Variants in ACOX2 observed in about 807,000 individuals in gnomAD.
ACOX2 encodes the protein acyl-CoA oxidase 2, also known as peroxisomal acyl-coenzyme A oxidase 2.
In ACOX2, 59 loss-of-function variants were observed where a neutral mutation model predicts 77.5. The observed-to-expected ratio is 0.76, with a 90% CI of 0.62 to 0.95. ACOX2 has a LOEUF of 0.95. Among genes scored for constraint, ACOX2 ranks in the 40% least tolerant of loss-of-function variants. The pLI is 0.00. For synonymous variants in ACOX2, 317 were observed against 340.1 expected (o/e 0.93, Z 0.75); for missense variants, 837 against 880.4 (o/e 0.95, Z 0.62).
In ACOX2 at chr3:58,531,818, G is replaced by A; in HGVS notation, c.584-6C>T. ...ATGGGTGGCTGACCGTCCCACTGAG[G>A]GCAGAGAGAGTAGCGGCCCGTCACA... is the stretch of plus-strand genomic sequence containing the variant. On this transcript the variant is annotated splice_polypyrimidine_tract_variant and splice_region_variant and intron_variant, in intron 5 of 14. Coordinates refer to ENST00000302819, the MANE Select transcript of ACOX2 (RefSeq NM_003500.4). This position sits in a 1 kb window ranked among gnomAD's most constrained non-coding sequence, Gnocchi z 5.8. The A allele has an allele frequency of 6.2e-7, 1 of 1,612,096 alleles. No individual in the cohort carries two copies.
In ACOX2 at chr3:58,531,196, A is replaced by G; in HGVS notation, c.819+55T>C. ...GAGGACCCAGGCCCAGCCTGCACAA[A>G]GCGCAGGTCCCCTCTCCAGGAAGTA... On this transcript the variant is annotated intron_variant, in intron 7 of 14. Transcript: ENST00000302819. This position sits in a 1 kb window ranked among gnomAD's most constrained non-coding sequence, Gnocchi z 5.8. 2 of 1,523,886 alleles carry G rather than the reference A, an allele frequency of 1.3e-6. No homozygotes were observed. The highest frequency in any genetic ancestry group is 1.8e-6 in the Non-Finnish European group (2 of 1,109,086). The allele number at this position is 1,523,886 out of a possible 1,614,324, so 94.4% of individuals were successfully genotyped here.
Position 58,521,534 on chromosome 3 carries a change from T to C in ACOX2, c.1632+962A>G, listed in dbSNP as rs1050343164. Among the ~76,000 whole-genome samples, 2 of 152,220 alleles carry C rather than the reference T, an allele frequency of 1.3e-5. No homozygotes were observed. The highest frequency in any genetic ancestry group is 4.8e-5 in the African/African-American group (2 of 41,470). ...CCACTTGTCTCCAGGCCTTCTGCCA[T>C]GCTCATGGTCAGGACCACCCTCAGT... On this transcript the variant is annotated intron_variant, in intron 12 of 14. Transcript: ENST00000302819. This position sits in a 1 kb window ranked among gnomAD's most constrained non-coding sequence, Gnocchi z 4.8.
rs527941137 is a variant in ACOX2, at chr3:58,526,395, C to T, written c.1346+71G>A. 368 of 1,488,278 alleles carry T rather than the reference C, an allele frequency of 2.5e-4. 3 individuals carry two copies. The South Asian group carries it at 4.3e-3, about 18-fold the overall frequency. The allele number at this position is 1,488,278 out of a possible 1,614,324, so 92.2% of individuals were successfully genotyped here. A position where few individuals can be genotyped will look rare whatever the true frequency, so the allele number is the denominator to read the frequency against. On this transcript the variant is annotated intron_variant, in intron 10 of 14. Coordinates refer to ENST00000302819, the MANE Select transcript of ACOX2 (RefSeq NM_003500.4). This position sits in a 1 kb window ranked among gnomAD's most constrained non-coding sequence, Gnocchi z 4.3. ...CTCTTTTTATGGGCCTCAGACGGAA[C>T]CCTCCACCCAACAGAAGCTTGGTGG...
intron 8 of ACOX2, among the ~76,000 whole-genome samples, chr3:58,529,916 G>A (rs553626955): frequency 1.4e-4 from 21 of 152,328 alleles, no homozygotes; most frequent in African/African-American, 4.8e-4. Flanking sequence ...GGGGTGGAGG[G>A]AGTGGTAGCA....
rs1012290102 is a variant in ACOX2 at position 58,528,204 on chromosome 3, T to A, written c.1155+590A>T. On this transcript the variant is annotated intron_variant, in intron 9 of 14. Coordinates refer to ENST00000302819, the MANE Select transcript of ACOX2 (RefSeq NM_003500.4). This position sits in a 1 kb window ranked among gnomAD's most constrained non-coding sequence, Gnocchi z 5.6. ...GCCTCATTGCAGTTGGAAGGGTTAA[T>A]GAGCAGTGCTTATAAAGCATGGTAG... Among the ~76,000 whole-genome samples the A allele has an allele frequency of 2.6e-5, 4 of 152,184 alleles. No homozygotes were observed. Among genetic ancestry groups the A allele is most frequent in the Admixed American group, 1.3e-4 (2 of 15,278 alleles).
chr3:58,509,294 G>T, intron 13 of ACOX2, among the ~76,000 whole-genome samples: 1 of 152,236 alleles, frequency 6.6e-6, no homozygotes. Flanking sequence ...TTGGGAGGCC[G>T]AAGTAGGTGG....
chr3:58,509,270 G>A (rs1448105995), intron 13 of ACOX2, among the ~76,000 whole-genome samples: 3 of 152,138 alleles, frequency 2.0e-5, no homozygotes, highest in Admixed American at 6.5e-5. Flanking sequence ...GCTCACGCCT[G>A]TAATCCCGGC....
At chr3:58,530,339 T>G in intron 8 of ACOX2, 127 bp downstream of exon 8, 3 of 1,321,138 alleles carry the variant, frequency 2.3e-6, no homozygotes, top group Non-Finnish European at 3.1e-6. Flanking sequence ...TTTGTGTGTG[T>G]GTATGTGGTG....
At chr3:58,530,057 G>T (rs1013329911) in intron 8 of ACOX2, among the ~76,000 whole-genome samples, 15 of 152,256 alleles carry the variant, frequency 9.9e-5, no homozygotes, top group African/African-American at 3.1e-4. Context: ...CGGCCTGACA[G>T]AATCAACTCA....
At chr3:58,530,001 G>A (rs376175804) in intron 8 of ACOX2, among the ~76,000 whole-genome samples, 1 of 152,202 alleles carries the variant, frequency 6.6e-6, no homozygotes, top group African/African-American at 2.4e-5. Flanking sequence ...TGGACAGAAC[G>A]AGCTCAGCCA....
At chr3:58,506,970 A>G in intron 14 of ACOX2, among the ~76,000 whole-genome samples, 1 of 152,186 alleles carries the variant, frequency 6.6e-6, no homozygotes, top group Non-Finnish European at 1.5e-5. Context: ...TATTTTGGTG[A>G]TCTCTAAAAG....
chr3:58,531,749 C>G lies in ACOX2; in HGVS notation c.647G>C (p.Gly216Ala). The G allele has an allele frequency of 6.2e-7, 1 of 1,614,186 alleles. No homozygotes were observed. Among genetic ancestry groups the G allele is most frequent in the Admixed American group, 1.7e-5 (1 of 60,030 alleles). The change falls in exon 6 of 15, where the codon GGC (glycine) becomes GCC (alanine). Residue 216 changes from glycine (G) to alanine (A), a missense_variant. By Grantham distance (60) the Gly-to-Ala change is moderately conservative (BLOSUM62 0). Transcript: ENST00000302819. The surrounding 1 kb of genome is among the most constrained non-coding windows in gnomAD (Gnocchi z 5.8). ...GATTGGCACAATAAAAGCGTGCATG[C>G]CCCGCCTGGCTCCTGAGCAGATCAG... Reference protein sequence around the residue: ...AQLICSGARRGMHAFIVPIRS... With the variant: ...AQLICSGARRAMHAFIVPIRS...
Position 58,531,318 on chromosome 3 carries a change from T to C in ACOX2, c.752A>G (p.Asp251Gly), listed in dbSNP as rs754710558. 1.9e-6 allele frequency: 3 copies of C among 1,613,798 alleles called. No homozygotes were observed. The African/African-American group carries it at 4.0e-5, about 22-fold the overall frequency. Residue 251 changes from aspartate (D) to glycine (G), a missense_variant, in exon 7 of 15, where the codon GAC becomes GGC. By Grantham distance (94) the Asp-to-Gly change is moderately conservative (BLOSUM62 -1). Transcript: ENST00000302819. The surrounding 1 kb of genome is among the most constrained non-coding windows in gnomAD (Gnocchi z 5.8). ...IGPKMDFDQT[D>G]NGFLQLNHVR... is the part of the protein sequence containing the mutation. ...ATGGTTCAGCTGCAGGAAGCCATTG[T>C]CTGTTTGATCAAAGTCCATCTTGGG...
Position 58,523,422 on chromosome 3 carries a change from TGCCTGCCATATTATAGGC to T in ACOX2, c.1527-839_1527-822del, listed in dbSNP as rs1171324664. On this transcript the variant is annotated intron_variant, in intron 11 of 14. Coordinates refer to ENST00000302819, the MANE Select transcript of ACOX2 (RefSeq NM_003500.4). The surrounding 1 kb of genome is among the most constrained non-coding windows in gnomAD (Gnocchi z 5.3). ...GATAGGTCCCTAATGCCTAGAACAG[TGCCTGCCATATTATAGGC>T]AGTTAATAAATATTTTTGGAATAAA... 6.6e-6 allele frequency among the ~76,000 whole-genome samples: 1 copy of T among 152,222 alleles called. No individual in the cohort carries two copies. The highest frequency in any genetic ancestry group is 1.5e-5 in the Non-Finnish European group (1 of 68,048).
rs1127743 is a variant in ACOX2, at chr3:58,526,648, T to C, written c.1164A>G (p.Ala388=). 0.067 allele frequency: 108,790 copies of C among 1,613,488 alleles called. 6,567 individuals are homozygous for C. The highest frequency in any genetic ancestry group is 0.29 in the African/African-American group (21,922 of 74,936). The part of the protein sequence containing the change: ...QDFSFLPELH[A]LSTGMKAMMS... ...TCATGGCCTTCATGCCCGTGCTCAG[T>C]GCGTGGAGCTGTGAGAACATGGAGG... is the stretch of plus-strand genomic sequence containing the variant. Residue 388 remains alanine, a synonymous_variant, in exon 10 of 15, where the codon GCA becomes GCG. Transcript: ENST00000302819. This position sits in a 1 kb window ranked among gnomAD's most constrained non-coding sequence, Gnocchi z 4.3.
Position 58,533,604 on chromosome 3 carries a change from T to C in ACOX2, c.476-52A>G. 1 of 1,555,598 alleles carries C rather than the reference T, an allele frequency of 6.4e-7. No individual in the cohort carries two copies. On this transcript the variant is annotated intron_variant, in intron 4 of 14. Transcript: ENST00000302819. The surrounding 1 kb of genome is among the most constrained non-coding windows in gnomAD (Gnocchi z 5.6). ...ATTGGCCTGAGGTGGGGTTCTTACC[T>C]GTGAAGCTGCTTCTAGGTGGGTCTG...
chr3:58,531,549 G>T lies in ACOX2; in HGVS notation c.703+144C>A. 1 of 1,366,536 alleles carries T rather than the reference G, an allele frequency of 7.3e-7. No homozygotes were observed. Among genetic ancestry groups the T allele is most frequent in the Non-Finnish European group, 1.0e-6 (1 of 998,966 alleles). 84.7% of individuals were successfully genotyped at this position (1,366,536 alleles called of 1,614,324 possible). A position where few individuals can be genotyped will look rare whatever the true frequency, so the allele number is the denominator to read the frequency against. On this transcript the variant is annotated intron_variant, in intron 6 of 14. Coordinates refer to ENST00000302819, the MANE Select transcript of ACOX2 (RefSeq NM_003500.4). The surrounding 1 kb of genome is among the most constrained non-coding windows in gnomAD (Gnocchi z 5.8). ...TTGCTCAAGTTCACCTAGCCAGTTA[G>T]CACCAAGTCTGTCCAACTGGACCGC...
chr3:58,517,573 G>T, intron 12 of ACOX2, 150 bp from the exon 13 acceptor site: 1 of 492,372 alleles, frequency 2.0e-6, no homozygotes, highest in Non-Finnish European at 3.5e-6. Flanking sequence ...CTAGCTCTGG[G>T]TCTGATCAAG....
Position 58,526,705 on chromosome 3 carries a change from T to C in ACOX2, c.1156-49A>G, listed in dbSNP as rs1451359962. The C allele has an allele frequency of 3.2e-6, 5 of 1,585,918 alleles. No individual in the cohort carries two copies. Among genetic ancestry groups the C allele is most frequent in the Admixed American group, 3.4e-5 (2 of 59,012 alleles). On this transcript the variant is annotated intron_variant, in intron 9 of 14. Coordinates refer to ENST00000302819, the MANE Select transcript of ACOX2 (RefSeq NM_003500.4). This position sits in a 1 kb window ranked among gnomAD's most constrained non-coding sequence, Gnocchi z 4.3. ...GGGCGGTGTTAGGGGGCCTCCACCA[T>C]AGGGACCAACCCTGTGCACCACTTA...
Sources: allele counts gnomAD v4.1 joint callset (sites outside exome capture counted in the v4.1 genomes callset), GRCh38; gene constraint gnomAD v4.1.1; non-coding constraint Gnocchi (gnomAD v3.1); transcripts MANE v1.5; gene names NCBI Gene and HGNC (gene_info 2026-07-23, HGNC 2026-07-21).